Variants in RNF216 observed in about 807,000 individuals in gnomAD.
The protein encoded by RNF216 is E3 ubiquitin-protein ligase RNF216.
In RNF216, 72 loss-of-function variants were observed where a neutral mutation model predicts 110.8. That is an observed-to-expected ratio of 0.65 (90% confidence interval 0.54 to 0.79). RNF216 has a LOEUF of 0.79. Among genes scored for constraint, RNF216 ranks in the 30% least tolerant of loss-of-function variants. The probability of loss-of-function intolerance (pLI) is 0.00; values close to 1 mark genes in which losing one functional copy is unlikely to be tolerated. For synonymous variants in RNF216, 495 were observed against 407.5 expected (o/e 1.21, Z -2.59); for missense variants, 1,342 against 1,141.2 (o/e 1.18, Z -2.54).
intron 1 of RNF216, among the ~76,000 whole-genome samples, chr7:5,775,944 G>A (rs1269489487): frequency 6.6e-6 from 1 of 151,842 alleles, no homozygotes; most frequent in Non-Finnish European, 1.5e-5. Flanking sequence ...TGTCACACCA[G>A]GCCTCCACAA....
chr7:5,739,066 T>A (rs1273554495), intron 5 of RNF216, among the ~76,000 whole-genome samples: 1 of 152,038 alleles, frequency 6.6e-6, no homozygotes, highest in Non-Finnish European at 1.5e-5. Context: ...GGGAAGGGGA[T>A]GGGGAGTGAG....
intron 13 of RNF216, chr7:5,666,635 C>T (rs1743959784): frequency 6.6e-6 from 1 of 152,156 alleles, no homozygotes; most frequent in Non-Finnish European, 1.5e-5. Flanking sequence ...TCACGGGGAG[C>T]TCTCAAGCCT....
chr7:5,664,952 A>G (rs1584407056), intron 13 of RNF216, among the ~76,000 whole-genome samples: 1 of 152,170 alleles, frequency 6.6e-6, no homozygotes, highest in South Asian at 2.1e-4. Context: ...GCCCGCCACC[A>G]GGCCTGGCTA....
intron 1 of RNF216, among the ~76,000 whole-genome samples, chr7:5,767,761 G>C (rs916069562): frequency 6.6e-6 from 1 of 152,052 alleles, no homozygotes; most frequent in East Asian, 1.9e-4. Context: ...ACCATGCCCA[G>C]CTAATTTTTG....
chr7:5,744,283 T>C (rs976441285), intron 3 of RNF216, among the ~76,000 whole-genome samples: 4 of 152,156 alleles, frequency 2.6e-5, no homozygotes, highest in African/African-American at 9.6e-5. Flanking sequence ...GTAAATACAG[T>C]TGAAGAGAGA....
In RNF216 at chr7:5,671,805, C is replaced by CAAAAAA. The variant is rs11319565; in HGVS notation, c.2062-19301_2062-19296dup. Among the ~76,000 whole-genome samples the CAAAAAA allele has an allele frequency of 5.0e-3, 273 of 54,208 alleles. 30 individuals are homozygous for CAAAAAA. Among genetic ancestry groups the CAAAAAA allele is most frequent in the Middle Eastern group, 0.026 (2 of 76 alleles). The allele number at this position is 54,208 out of a possible 152,430, so 35.6% of individuals were successfully genotyped here. A position where few individuals can be genotyped will look rare whatever the true frequency, so the allele number is the denominator to read the frequency against. Reference sequence around the variant, plus strand: ...GAGCAAAGAGACCAAAACTCCGTCTCAAAAAAAAAAAAAAAAAAAAAAAAG... The same window carrying CAAAAAA: ...GAGCAAAGAGACCAAAACTCCGTCTCAAAAAAAAAAAAAAAAAAAAAAAAAAAAAAG... On this transcript the variant is annotated intron_variant, in intron 13 of 16. Transcript: ENST00000389902.
At chr7:5,677,560 C>A (rs1790382287) in intron 13 of RNF216, among the ~76,000 whole-genome samples, 1 of 152,232 alleles carries the variant, frequency 6.6e-6, no homozygotes, top group Non-Finnish European at 1.5e-5. Context: ...AAGGGACCAT[C>A]CTAAGCACTT....
chr7:5,628,920 G>A (rs1034911212), intron 15 of RNF216, among the ~76,000 whole-genome samples: 1 of 152,132 alleles, frequency 6.6e-6, no homozygotes, highest in Non-Finnish European at 1.5e-5. Context: ...GACAGGCCAG[G>A]TGCAGTTGGC....
intron 13 of RNF216, among the ~76,000 whole-genome samples, chr7:5,706,979 T>C (rs979177570): frequency 6.6e-6 from 1 of 152,228 alleles, no homozygotes; most frequent in Admixed American, 6.5e-5. Context: ...GCGTCTAAGT[T>C]CATTCTTTTG....
chr7:5,653,461 C>T (rs1298769483), intron 13 of RNF216, among the ~76,000 whole-genome samples: 1 of 151,446 alleles, frequency 6.6e-6, no homozygotes, highest in Non-Finnish European at 1.5e-5. Context: ...ATTAGCTGGG[C>T]GTGGTGGCAG....
At chr7:5,662,024 A>G (rs1400783659) in intron 13 of RNF216, among the ~76,000 whole-genome samples, 1 of 152,214 alleles carries the variant, frequency 6.6e-6, no homozygotes, top group African/African-American at 2.4e-5. Flanking sequence ...CTGAGGTTAC[A>G]ATGGCATCTT....
At chr7:5,626,827 T>TCA (rs1786737794) in intron 15 of RNF216, among the ~76,000 whole-genome samples, 3 of 152,162 alleles carry the variant, frequency 2.0e-5, no homozygotes, top group African/African-American at 7.2e-5. Flanking sequence ...AAGGACTGAA[T>TCA]GAGCTCAAGT....
intron 13 of RNF216, among the ~76,000 whole-genome samples, chr7:5,670,774 C>T (rs1484088341): frequency 1.3e-5 from 2 of 152,202 alleles, no homozygotes; most frequent in Non-Finnish European, 2.9e-5. Context: ...TGTTTTCAGC[C>T]TTAATCCATA....
chr7:5,712,493 G>A (rs1330287161), intron 12 of RNF216, among the ~76,000 whole-genome samples: 1 of 151,890 alleles, frequency 6.6e-6, no homozygotes, highest in Non-Finnish European at 1.5e-5. Context: ...AAAGAAGTTT[G>A]AGGGGCAGAT....
intron 13 of RNF216, among the ~76,000 whole-genome samples, chr7:5,663,254 C>A (rs969497658): frequency 1.3e-5 from 2 of 152,088 alleles, no homozygotes; most frequent in African/African-American, 4.8e-5. Context: ...TATGGACAGG[C>A]TTGGCATGGA....
At chr7:5,636,605 T>G (rs943493715) in intron 15 of RNF216, among the ~76,000 whole-genome samples, 6 of 152,142 alleles carry the variant, frequency 3.9e-5, no homozygotes, top group Non-Finnish European at 8.8e-5. Flanking sequence ...CTGAATGGCT[T>G]TGTGTTCTCA....
intron 13 of RNF216, among the ~76,000 whole-genome samples, chr7:5,698,583 G>GA (rs1791775212): frequency 1.3e-5 from 2 of 150,944 alleles, no homozygotes; most frequent in African/African-American, 4.9e-5. Flanking sequence ...GTGTAGAGAC[G>GA]AGGTTGTGCT....
intron 9 of RNF216, among the ~76,000 whole-genome samples, chr7:5,718,738 A>G (rs955491120): frequency 2.0e-5 from 3 of 152,000 alleles, no homozygotes; most frequent in Non-Finnish European, 4.4e-5. Flanking sequence ...GTAGAGACAG[A>G]GTTTTGCCAT....
chr7:5,697,424 T>C (rs1485252373), intron 13 of RNF216, among the ~76,000 whole-genome samples: 3 of 152,324 alleles, frequency 2.0e-5, no homozygotes, highest in East Asian at 1.9e-4. Flanking sequence ...TGTCTCCATA[T>C]AGGCAGATGA....
Sources: gnomAD v4.1 joint callset for allele counts (sites outside exome capture counted in the v4.1 genomes callset) on GRCh38, gnomAD v4.1.1 for gene constraint, MANE v1.5 for transcripts, NCBI Gene and HGNC (gene_info 2026-07-23, HGNC 2026-07-21) for gene names.